Variants in RORA observed in about 807,000 individuals in gnomAD.
The protein encoded by RORA is nuclear receptor ROR-alpha.
In RORA, 7 loss-of-function variants were observed where a neutral mutation model predicts 69.5. The observed-to-expected ratio is 0.10, with a 90% CI of 0.06 to 0.19. The LOEUF is 0.19. RORA is among the 10% of genes least tolerant of loss of function. RORA has a pLI of 1.00. For synonymous variants in RORA, 261 were observed against 240.8 expected, an observed-to-expected ratio of 1.08 and a Z score of -0.78; for missense variants, 457 against 663.0, an observed-to-expected ratio of 0.69 and a Z score of 3.41.
At chr15:60,921,592 G>T (rs1449111345) in intron 1 of RORA, among the ~76,000 whole-genome samples, 6 of 152,140 alleles carry the variant, frequency 3.9e-5, no homozygotes, top group Non-Finnish European at 4.4e-5. Context: ...CTTTATGTGG[G>T]TATAGGCGAT....
chr15:60,597,586 A>ATATATATATATATGTG (rs2068712276), intron 2 of RORA, among the ~76,000 whole-genome samples: 1 of 22,520 alleles, frequency 4.4e-5, no homozygotes, highest in Non-Finnish European at 7.9e-5. Flanking sequence ...ACATATATAT[A>ATATATATATATATGTG]TATATATACA....
chr15:60,517,970 G>A (rs1040560826), intron 3 of RORA, among the ~76,000 whole-genome samples: 3 of 152,002 alleles, frequency 2.0e-5, no homozygotes, highest in Admixed American at 6.6e-5. Context: ...TTCTTTCTAG[G>A]CTCTTTTCCA....
At chr15:60,572,057 A>C (rs149172116) in intron 2 of RORA, among the ~76,000 whole-genome samples, 332 of 152,346 alleles carry the variant, frequency 2.2e-3, no homozygotes, top group African/African-American at 7.8e-3. Context: ...CTGATATCTA[A>C]ATTCCATGCA....
intron 1 of RORA, among the ~76,000 whole-genome samples, chr15:61,146,579 T>C (rs2079351799): frequency 1.3e-5 from 2 of 152,176 alleles, no homozygotes; most frequent in African/African-American, 2.4e-5. Flanking sequence ...ATTTACATAA[T>C]TGATTCACTA....
chr15:60,952,259 C>A (rs1893131061), intron 1 of RORA, among the ~76,000 whole-genome samples: 2 of 152,166 alleles, frequency 1.3e-5, no homozygotes, highest in South Asian at 4.2e-4. Flanking sequence ...GCTAAAAACT[C>A]TCAATAAATT....
At chr15:60,571,885 C>G (rs1046307953) in intron 2 of RORA, among the ~76,000 whole-genome samples, 1 of 152,168 alleles carries the variant, frequency 6.6e-6, no homozygotes, top group Non-Finnish European at 1.5e-5. Context: ...CACTGCATTT[C>G]TGTTACCTCA....
chr15:61,006,752 T>G (rs1211551780), intron 1 of RORA, among the ~76,000 whole-genome samples: 5 of 152,094 alleles, frequency 3.3e-5, no homozygotes, highest in Non-Finnish European at 7.4e-5. Context: ...GAAGAATGCA[T>G]TATCAGTGCT....
At chr15:60,875,733 G>A (rs2073606062) in intron 1 of RORA, among the ~76,000 whole-genome samples, 1 of 152,270 alleles carries the variant, frequency 6.6e-6, no homozygotes, top group South Asian at 2.1e-4. Context: ...AAATCACCCA[G>A]GAGAAGAATA....
At chr15:61,111,223 T>C (rs886371229) in intron 1 of RORA, among the ~76,000 whole-genome samples, 4 of 152,190 alleles carry the variant, frequency 2.6e-5, no homozygotes, top group East Asian at 3.8e-4. Flanking sequence ...GTGTATAGCT[T>C]ACCCTCAAAT....
intron 1 of RORA, among the ~76,000 whole-genome samples, chr15:60,983,636 A>G (rs527827817): frequency 6.6e-6 from 1 of 152,310 alleles, no homozygotes; most frequent in South Asian, 2.1e-4. Context: ...ACTCCTTTCT[A>G]TTGATTCCAG....
intron 2 of RORA, among the ~76,000 whole-genome samples, chr15:60,629,680 G>C (rs1452866773): frequency 1.3e-5 from 2 of 152,344 alleles, no homozygotes; most frequent in Non-Finnish European, 2.9e-5. Context: ...AATGGTGTCA[G>C]GTCATACCAA....
chr15:61,126,794 C>T, intron 1 of RORA, among the ~76,000 whole-genome samples: 1 of 152,208 alleles, frequency 6.6e-6, no homozygotes, highest in Non-Finnish European at 1.5e-5. Context: ...CATGAGCCTG[C>T]GATCAGCCCA....
chr15:60,923,362 G>C (rs1892107950), intron 1 of RORA, among the ~76,000 whole-genome samples: 1 of 152,186 alleles, frequency 6.6e-6, no homozygotes, highest in African/African-American at 2.4e-5. Flanking sequence ...TTATTCATCT[G>C]TGTATTCCAC....
At chr15:60,913,470 C>A (rs1386043149) in intron 1 of RORA, among the ~76,000 whole-genome samples, 1 of 152,214 alleles carries the variant, frequency 6.6e-6, no homozygotes. Flanking sequence ...ATTGTTTTTG[C>A]ATTTCTAAGA....
intron 1 of RORA, among the ~76,000 whole-genome samples, chr15:60,976,748 A>G (rs1860737670): frequency 6.6e-6 from 1 of 152,124 alleles, no homozygotes; most frequent in Admixed American, 6.5e-5. Context: ...CACACCTCCA[A>G]GGAAACCCTG....
chr15:60,788,078 G>T (rs867776903), intron 1 of RORA, among the ~76,000 whole-genome samples: 14 of 152,224 alleles, frequency 9.2e-5, no homozygotes, highest in South Asian at 2.1e-4. Context: ...TATCTATCTG[G>T]GGAGCTGATC....
intron 1 of RORA, among the ~76,000 whole-genome samples, chr15:61,150,899 T>G (rs1029532792): frequency 2.6e-5 from 4 of 152,220 alleles, no homozygotes; most frequent in South Asian, 2.1e-4. Context: ...GGTGCTTTCA[T>G]TTTTTAAATT....
intron 1 of RORA, among the ~76,000 whole-genome samples, chr15:60,766,826 C>T (rs1301770473): frequency 1.3e-5 from 2 of 152,118 alleles, no homozygotes; most frequent in Admixed American, 6.6e-5. Context: ...TGCTTTTCCT[C>T]GCCCCTGGTG....
intron 2 of RORA, among the ~76,000 whole-genome samples, chr15:60,556,256 C>G (rs2140406165): frequency 6.6e-6 from 1 of 152,312 alleles, no homozygotes. Context: ...AAACCCACAA[C>G]TGTGGACAAG....
Sources: allele counts gnomAD v4.1 joint callset (sites outside exome capture counted in the v4.1 genomes callset), GRCh38; gene constraint gnomAD v4.1.1; transcripts MANE v1.5; gene names NCBI Gene and HGNC (gene_info 2026-07-23, HGNC 2026-07-21).